Variants in TTC21B observed in about 807,000 individuals in gnomAD.
TTC21B encodes tetratricopeptide repeat domain 21B.
Under a neutral mutation model 175.1 loss-of-function variants are expected in TTC21B, and 127 were observed. The observed-to-expected ratio is 0.73, with a 90% CI of 0.63 to 0.84. The LOEUF (loss-of-function observed/expected upper bound fraction) is 0.84. Ranked by LOEUF, TTC21B falls within the 40% of genes least tolerant of loss-of-function variation. The pLI, the probability that TTC21B is intolerant of heterozygous loss-of-function variation, is 0.00. For missense variants in TTC21B, 1,561 were observed against 1,558.3 expected (o/e 1.00, Z -0.03); for synonymous variants, 524 against 524.5 (o/e 1.00, Z 0.01).
In TTC21B at chr2:165,907,670, G is replaced by A; in HGVS notation, c.2568+8C>T. 3.2e-6 allele frequency: 5 copies of A among 1,573,708 alleles called. No individual in the cohort carries two copies. Among genetic ancestry groups the A allele is most frequent in the Non-Finnish European group, 4.4e-6 (5 of 1,144,974 alleles). On this transcript the variant is annotated splice_region_variant and intron_variant, in intron 19 of 28. Transcript: ENST00000243344. ...CTCATGACCACACTCACAGACAAAT[G>A]TGTTTACCTGTTGTAATGCAGTGAT...
At chr2:165,921,679 C>T (rs917645054) in intron 12 of TTC21B, among the ~76,000 whole-genome samples, 1 of 151,994 alleles carries the variant, frequency 6.6e-6, no homozygotes, top group African/African-American at 2.4e-5. Context: ...GATGTTTGGC[C>T]CAACTCCAAC....
rs142306508 is a variant in TTC21B, at chr2:165,886,625, T to TA, written c.3459+1653dup. Reference sequence around the variant, plus strand: ...TACTAACCACATATGTAAGGATGATTAAAAAAAATAACACAGTCTTATCAA... The same window carrying TA: ...TACTAACCACATATGTAAGGATGATTAAAAAAAAATAACACAGTCTTATCAA... On this transcript the variant is annotated intron_variant, in intron 25 of 28. Transcript: ENST00000243344. Among the ~76,000 whole-genome samples, 987 of 152,128 alleles carry TA rather than the reference T, an allele frequency of 6.5e-3. 10 individuals carry two copies. Among genetic ancestry groups the TA allele is most frequent in the African/African-American group, 0.023 (944 of 41,510 alleles).
intron 4 of TTC21B, 76 bp from the exon 5 acceptor site, chr2:165,943,417 T>C: frequency 8.5e-7 from 1 of 1,170,292 alleles, no homozygotes; most frequent in Admixed American, 2.2e-5. Flanking sequence ...CCTAATGTCA[T>C]TTTTCTGGCA....
chr2:165,930,350 T>C lies in TTC21B; in HGVS notation c.909A>G (p.Gln303=), dbSNP rs1207525158. ...LAFSRTCGRS[Q]LILQKIQTLL... Reference sequence around the variant, plus strand: ...ACGTTTGAATTTTTTGAAGAATAAGTTGACTACGTCCACACTAAAAAGAAA... The same window carrying C: ...ACGTTTGAATTTTTTGAAGAATAAGCTGACTACGTCCACACTAAAAAGAAA... Residue 303 remains glutamine, a synonymous_variant, in exon 9 of 29, where the codon CAA becomes CAG. Transcript: ENST00000243344. The C allele has an allele frequency of 1.2e-6, 2 of 1,611,716 alleles. No individual in the cohort carries two copies. Among genetic ancestry groups the C allele is most frequent in the Admixed American group, 1.7e-5 (1 of 59,848 alleles).
intron 19 of TTC21B, among the ~76,000 whole-genome samples, chr2:165,905,161 T>C (rs1050674548): frequency 1.3e-5 from 2 of 151,878 alleles, no homozygotes; most frequent in Non-Finnish European, 2.9e-5. Flanking sequence ...AAAGATAGAA[T>C]AATAGAATTT....
chr2:165,942,492 T>C (rs1394206103), intron 5 of TTC21B, among the ~76,000 whole-genome samples: 1 of 152,134 alleles, frequency 6.6e-6, no homozygotes, highest in Non-Finnish European at 1.5e-5. Flanking sequence ...TAATAGAAGG[T>C]AGAAGCCAAA....
In TTC21B at chr2:165,876,758, T is replaced by C. The variant is rs1308923172; in HGVS notation, c.3806-526A>G. On this transcript the variant is annotated intron_variant, in intron 27 of 28. Coordinates refer to ENST00000243344, the MANE Select transcript of TTC21B (RefSeq NM_024753.5). Reference sequence around the variant, plus strand: ...AAGATCCAGGCCAAGTGAGTTACCATAAAGAACCTGAAGGGTATCAAGAGA... The same window carrying C: ...AAGATCCAGGCCAAGTGAGTTACCACAAAGAACCTGAAGGGTATCAAGAGA... Among the ~76,000 whole-genome samples the C allele has an allele frequency of 7.9e-5, 12 of 152,272 alleles. No individual in the cohort carries two copies. The East Asian group carries it at 1.3e-3, about 17-fold the overall frequency.
intron 6 of TTC21B, among the ~76,000 whole-genome samples, chr2:165,937,713 CTATT>C (rs1359085008): frequency 7.0e-6 from 1 of 142,172 alleles, no homozygotes; most frequent in Non-Finnish European, 1.5e-5. Flanking sequence ...CATTATGAGT[CTATT>C]TATTATTTTT....
intron 7 of TTC21B, 123 bp downstream of exon 7, chr2:165,932,850 T>C (rs1686962134): frequency 1.5e-5 from 13 of 850,596 alleles, no homozygotes; most frequent in African/African-American, 3.4e-5. Flanking sequence ...AAAACTACCA[T>C]GATGTATATT....
chr2:165,889,289 C>G (rs1282121324), intron 24 of TTC21B, among the ~76,000 whole-genome samples: 1 of 152,144 alleles, frequency 6.6e-6, no homozygotes, highest in Non-Finnish European at 1.5e-5. Context: ...TTCTGTAACA[C>G]TACACAGCTT....
At chr2:165,943,760 A>C (rs1333912446) in intron 4 of TTC21B, among the ~76,000 whole-genome samples, 1 of 152,200 alleles carries the variant, frequency 6.6e-6, no homozygotes, top group Non-Finnish European at 1.5e-5. Flanking sequence ...CTTGCTTCAC[A>C]TATCTTAAAG....
rs1177878336 is a variant in TTC21B at position 165,915,235 on chromosome 2, T to C, written c.2104A>G (p.Arg702Gly). The C allele has an allele frequency of 2.5e-6, 4 of 1,613,914 alleles. No individual in the cohort carries two copies. In the South Asian group the frequency reaches 4.4e-5, roughly 18 times the overall value. ...GTGATATATAACATTTTATCTTTTC[T>C]GTGCTTCAGATAAATATCTGCCATT... ...EKMADIYLKH[R>G]KDKMLYITCF... The change falls in exon 15 of 29, where the codon AGA becomes GGA. Residue 702 changes from arginine to glycine, a missense_variant. Coordinates refer to ENST00000243344, the MANE Select transcript of TTC21B (RefSeq NM_024753.5).
At position 165,874,595 on chromosome 2, in the gene TTC21B, C is replaced by T. The variant is rs1684605965; in HGVS notation, c.*160G>A. ...ACTCCATTAGGAAACACCAATTTCACATAGTACTTCTCTTGATGTACAGCA... is the reference window on the plus strand; with the variant it reads ...ACTCCATTAGGAAACACCAATTTCATATAGTACTTCTCTTGATGTACAGCA... On this transcript the variant is annotated 3_prime_UTR_variant, in exon 29 of 29. Transcript: ENST00000243344. 3 of 646,590 alleles carry T rather than the reference C, an allele frequency of 4.6e-6. No individual in the cohort carries two copies. The highest frequency in any genetic ancestry group is 3.7e-5 in the African/African-American group (2 of 54,464). 40.1% of individuals were successfully genotyped at this position (646,590 alleles called of 1,614,324 possible). A position where few individuals can be genotyped will look rare whatever the true frequency, so the allele number is the denominator to read the frequency against.
Position 165,953,734 on chromosome 2 carries a change from C to G in TTC21B, c.-29G>C. 6.5e-7 allele frequency: 1 copy of G among 1,543,856 alleles called. No individual in the cohort carries two copies. Among genetic ancestry groups the G allele is most frequent in the Non-Finnish European group, 8.7e-7 (1 of 1,144,022 alleles). The stretch of plus-strand genomic sequence containing the variant: ...TGCCCCGAGGCCGGGCCGCGGGGCT[C>G]TGGGGATTGTCTCGCCGCAGCCTAA... On this transcript the variant is annotated 5_prime_UTR_variant, in exon 1 of 29. Coordinates refer to ENST00000243344, the MANE Select transcript of TTC21B (RefSeq NM_024753.5).
intron 27 of TTC21B, 96 bp downstream of exon 27, chr2:165,880,579 ATGTT>A: frequency 7.9e-7 from 1 of 1,262,384 alleles, no homozygotes; most frequent in South Asian, 1.3e-5. Context: ...AATTGACTCA[ATGTT>A]TATTTTGTTT....
intron 6 of TTC21B, among the ~76,000 whole-genome samples, chr2:165,933,454 A>C (rs1161893782): frequency 6.6e-6 from 1 of 152,208 alleles, no homozygotes; most frequent in Non-Finnish European, 1.5e-5. Flanking sequence ...TCACAACAAC[A>C]GATTCCTACG....
At chr2:165,915,622 T>C (rs1007793959) in intron 14 of TTC21B, among the ~76,000 whole-genome samples, 183 bp from the exon 15 acceptor site, 2 of 152,192 alleles carry the variant, frequency 1.3e-5, no homozygotes, top group African/African-American at 4.8e-5. Flanking sequence ...CAAAATCAGA[T>C]GAGCCTGTAA....
At chr2:165,914,692 T>TGTGTGTGTACGTGCGCGCGCGC (rs1686094821) in intron 15 of TTC21B, among the ~76,000 whole-genome samples, 1 of 147,736 alleles carries the variant, frequency 6.8e-6, no homozygotes, top group Non-Finnish European at 1.5e-5. Context: ...TGTGTGTGTG[T>TGTGTGTGTACGTGCGCGCGCGC]GTGTGTTGTG....
At chr2:165,927,332 AT>A (rs1686711736) in intron 11 of TTC21B, among the ~76,000 whole-genome samples, 1 of 86,046 alleles carries the variant, frequency 1.2e-5, no homozygotes, top group African/African-American at 3.8e-5. Flanking sequence ...TATATATATA[AT>A]ATATAATATA....
Sources: allele counts gnomAD v4.1 joint callset (sites outside exome capture counted in the v4.1 genomes callset), GRCh38; gene constraint gnomAD v4.1.1; transcripts MANE v1.5; gene names NCBI Gene and HGNC (gene_info 2026-07-23, HGNC 2026-07-21).